DNAH5: variants seen among roughly 807,000 people sequenced by gnomAD.
DNAH5 encodes axonemal beta dynein heavy chain 5.
A neutral mutation model predicts 518.2 loss-of-function variants in DNAH5; 372 were observed. The ratio of observed to expected loss-of-function variants is 0.72; its 90% CI spans 0.66 to 0.78. The LOEUF (loss-of-function observed/expected upper bound fraction) is 0.78, where lower values mean the gene tolerates loss of function less well. Ranked by LOEUF, DNAH5 falls within the 30% of genes least tolerant of loss-of-function variation. DNAH5 has a pLI of 0.00. For missense variants in DNAH5, 5,523 were observed against 5,687.0 expected (o/e 0.97, Z 0.93); for synonymous variants, 2,039 against 2,025.9 (o/e 1.01, Z -0.17).
In DNAH5 at chr5:13,912,000, C is replaced by G. The variant is rs114136006; in HGVS notation, c.1537-507G>C. On this transcript the variant is annotated intron_variant, in intron 11 of 78. Transcript: ENST00000265104. ...CTTAAAAATGTCAGACCAGAATCCA[C>G]CACTTAAAACCTTTCTAAAATTAAT... Among the ~76,000 whole-genome samples, 845 of 152,276 alleles carry G rather than the reference C, an allele frequency of 5.5e-3. 2 individuals carry two copies. The highest frequency in any genetic ancestry group is 0.031 in the South Asian group (148 of 4,824).
At position 13,844,911 on chromosome 5, in the gene DNAH5, A is replaced by C; in HGVS notation, c.5197T>G (p.Ser1733Ala). The C allele has an allele frequency of 6.2e-7, 1 of 1,614,202 alleles. No homozygotes were observed. Among genetic ancestry groups the C allele is most frequent in the Non-Finnish European group, 8.5e-7 (1 of 1,180,018 alleles). Residue 1733 changes from serine to alanine, a missense_variant, in exon 32 of 79, where the codon TCG (serine) becomes GCG (alanine). Physicochemically the swap from Ser to Ala is moderately conservative, Grantham distance 99 (BLOSUM62 1). Coordinates refer to ENST00000265104, the MANE Select transcript of DNAH5 (RefSeq NM_001369.3). ...TGGGCCTGTATAGTGTGGGAGTCCG[A>C]CGCCTGCCCCAGAATCTCTAGAAGG... ...PALLEILGQA[S>A]DSHTIQAHLL...
At chr5:13,921,090 T>TA (rs1262190005) in intron 5 of DNAH5, among the ~76,000 whole-genome samples, 4 of 152,034 alleles carry the variant, frequency 2.6e-5, no homozygotes, top group Non-Finnish European at 5.9e-5. Flanking sequence ...ATAATAAAAT[T>TA]AAAAAAAATT....
chr5:13,957,876 T>C (rs1780871701), intron 1 of DNAH5, among the ~76,000 whole-genome samples: 1 of 151,584 alleles, frequency 6.6e-6, no homozygotes. Flanking sequence ...AAAATCACCA[T>C]AATATGAACA....
At chr5:13,761,389 C>T (rs1027383514) in intron 60 of DNAH5, among the ~76,000 whole-genome samples, 5 of 152,086 alleles carry the variant, frequency 3.3e-5, no homozygotes, top group Non-Finnish European at 5.9e-5. Context: ...GTCAGGAGAT[C>T]AAGACCATCC....
chr5:13,810,283 T>C lies in DNAH5; in HGVS notation c.7408-23A>G, dbSNP rs1400455085. Reference sequence around the variant, plus strand: ...CTCCTGAGAAGGAAAGACACTTTTTTTTAATAACTTGATTCTGAAACCCAA... The same window carrying C: ...CTCCTGAGAAGGAAAGACACTTTTTCTTAATAACTTGATTCTGAAACCCAA... On this transcript the variant is annotated intron_variant, in intron 44 of 78. Coordinates refer to ENST00000265104, the MANE Select transcript of DNAH5 (RefSeq NM_001369.3). 3.9e-6 allele frequency: 6 copies of C among 1,546,630 alleles called. No individual in the cohort carries two copies. The Admixed American group carries it at 1.2e-4, about 30-fold the overall frequency.
chr5:13,769,741 C>T (rs1753067550), intron 56 of DNAH5, 126 bp from the exon 57 acceptor site: 7 of 815,046 alleles, frequency 8.6e-6, no homozygotes, highest in Non-Finnish European at 1.5e-5. Flanking sequence ...AGTAGCAAAC[C>T]CAAGAGGGCT....
intron 46 of DNAH5, among the ~76,000 whole-genome samples, chr5:13,808,763 T>C (rs889525926): frequency 3.3e-5 from 5 of 152,044 alleles, no homozygotes; most frequent in Non-Finnish European, 5.9e-5. Flanking sequence ...ATCGAGACCA[T>C]GCTGGCTAAC....
chr5:13,793,848 A>G, intron 48 of DNAH5, 88 bp downstream of exon 48: 1 of 1,550,024 alleles, frequency 6.5e-7, no homozygotes, highest in Non-Finnish European at 8.7e-7. Context: ...TTGAAAAAGT[A>G]AAAACTTAAA....
At chr5:14,007,893 C>T (rs1241122238) in intron 1 of DNAH5, among the ~76,000 whole-genome samples, 1 of 152,038 alleles carries the variant, frequency 6.6e-6, no homozygotes. Flanking sequence ...AGTATGTAGG[C>T]CAGGTGCAGG....
At chr5:13,934,676 T>G (rs942121385) in intron 1 of DNAH5, among the ~76,000 whole-genome samples, 3 of 152,156 alleles carry the variant, frequency 2.0e-5, no homozygotes, top group Non-Finnish European at 4.4e-5. Context: ...ATGAAAAAGT[T>G]GGAGATTTCA....
rs781724318 is a variant in DNAH5 at position 13,708,361 on chromosome 5, T to C, written c.13126-26A>G. On this transcript the variant is annotated intron_variant, in intron 75 of 78. Transcript: ENST00000265104. Reference sequence around the variant, plus strand: ...CTGCCATGGAGACATTCAAAGCACATGTTAACAATTAGCTACTAAGGATTT... The same window carrying C: ...CTGCCATGGAGACATTCAAAGCACACGTTAACAATTAGCTACTAAGGATTT... The C allele has an allele frequency of 4.6e-5, 74 of 1,611,438 alleles. No individual in the cohort carries two copies. In the East Asian group the frequency reaches 1.6e-3, roughly 36 times the overall value.
intron 7 of DNAH5, among the ~76,000 whole-genome samples, chr5:13,918,889 A>G (rs966355287): frequency 6.6e-6 from 1 of 152,228 alleles, no homozygotes; most frequent in African/African-American, 2.4e-5. Context: ...AGCTGGTCTG[A>G]AATCATAAAA....
At chr5:13,938,671 T>C (rs1779185048) in intron 1 of DNAH5, among the ~76,000 whole-genome samples, 1 of 152,138 alleles carries the variant, frequency 6.6e-6, no homozygotes, top group Non-Finnish European at 1.5e-5. Flanking sequence ...ATATTCCCCC[T>C]GGATAAGACA....
rs114033231 is a variant in DNAH5 at position 13,975,551 on chromosome 5, T to G, written c.12+36097A>C. ...ATGGACAGGGCGAAAATGGGGCATT[T>G]AAGAGTTCTGAGGCAGGGTTTACTT... is the stretch of plus-strand genomic sequence containing the variant. On this transcript the variant is annotated intron_variant, in intron 1 of 78. Coordinates refer to the DNAH5 transcript ENST00000681290. 5.6e-3 allele frequency among the ~76,000 whole-genome samples: 850 copies of G among 152,300 alleles called. 3 individuals are homozygous for G. Among genetic ancestry groups the G allele is most frequent in the African/African-American group, 0.02 (813 of 41,570 alleles).
rs1195332098 is a variant in DNAH5 at position 13,914,558 on chromosome 5, C to T, written c.1282G>A (p.Val428Ile). The change falls in exon 10 of 79, where the codon GTT becomes ATT. Residue 428 changes from valine to isoleucine, a missense_variant. Around this residue, in one of 3 missense-constraint regions of DNAH5, gnomAD observed 5,121 missense variants for 5,223.3 expected, o/e 0.98. Transcript: ENST00000265104. ...ASIWNQPQDV[V>I]EEKILSAIKL... ...ATCGCAGATAGTATTTTTTCTTCAACAACATCCTGTGGCTGGTTCCAGATG... is the reference window on the plus strand; with the variant it reads ...ATCGCAGATAGTATTTTTTCTTCAATAACATCCTGTGGCTGGTTCCAGATG... The T allele has an allele frequency of 1.9e-6, 3 of 1,613,264 alleles. No homozygotes were observed.
intron 61 of DNAH5, among the ~76,000 whole-genome samples, chr5:13,758,008 G>A (rs1459157109): frequency 6.6e-6 from 1 of 151,516 alleles, no homozygotes; most frequent in Non-Finnish European, 1.5e-5. Context: ...ACCAAATATT[G>A]GATTTATCAG....
intron 49 of DNAH5, among the ~76,000 whole-genome samples, chr5:13,792,788 G>C (rs1757204830): frequency 1.3e-5 from 2 of 152,130 alleles, no homozygotes; most frequent in South Asian, 4.1e-4. Flanking sequence ...CTAGCCTGGG[G>C]CACCCAGATG....
At chr5:13,792,270 G>T in intron 49 of DNAH5, 53 bp from the exon 50 acceptor site, 1 of 1,499,642 alleles carries the variant, frequency 6.7e-7, no homozygotes, top group East Asian at 2.3e-5. Flanking sequence ...GAAATTAAAT[G>T]AAAATGAAAA....
intron 32 of DNAH5, among the ~76,000 whole-genome samples, chr5:13,843,683 C>T (rs10064314): frequency 0.032 from 4,818 of 152,224 alleles, 262 homozygotes; most frequent in African/African-American, 0.11. Flanking sequence ...CTTCCGAGCG[C>T]CCACACCTCC....
Sources: allele counts gnomAD v4.1 joint callset (sites outside exome capture counted in the v4.1 genomes callset), GRCh38; gene constraint gnomAD v4.1.1; regional missense constraint gnomAD v4.1.1; transcripts MANE v1.5; gene names NCBI Gene and HGNC (gene_info 2026-07-23, HGNC 2026-07-21).